The following PFAS variants were observed in gnomAD, a reference collection of about 807,000 sequenced individuals.
PFAS encodes the protein FGAM synthase.
In PFAS, 97 loss-of-function variants were observed where a neutral mutation model predicts 140.6. The observed-to-expected ratio is 0.69, with a 90% CI of 0.59 to 0.82. The LOEUF (loss-of-function observed/expected upper bound fraction) is 0.82, where lower values mean the gene tolerates loss of function less well. PFAS is among the 40% of genes least tolerant of loss of function. The probability of loss-of-function intolerance (pLI) is 0.00; values close to 1 mark genes in which losing one functional copy is unlikely to be tolerated. For synonymous variants in PFAS, 679 were observed against 718.8 expected, an observed-to-expected ratio of 0.94 and a Z score of 0.88; for missense variants, 1,656 against 1,780.2, an observed-to-expected ratio of 0.93 and a Z score of 1.26.
upstream of PFAS, chr17:8,248,065 G>GGCAGGT: frequency 6.4e-7 from 1 of 1,569,240 alleles, no homozygotes. Flanking sequence ...CCCCGGGAGG[G>GGCAGGT]GCAGGTGCTC....
rs1244477734 is a variant in PFAS at position 8,264,522 on chromosome 17, C to T, written c.1970C>T (p.Pro657Leu). ...PPMLQPLALP[P>L]GLSVHQALER... The stretch of plus-strand genomic sequence containing the variant: ...ATGCTGCAGCCTCTGGCCTTGCCCC[C>T]AGGGCTGAGCGTGCACCAGGCTCTG... Residue 657 changes from proline (P) to leucine (L), a missense_variant, in exon 17 of 28, where the codon CCA becomes CTA. Pro to Leu is a moderately conservative substitution (Grantham distance 98). Around this residue, in one of 2 missense-constraint regions of PFAS, gnomAD observed 883 missense variants for 1,023.0 expected, o/e 0.86. Coordinates refer to ENST00000314666, the MANE Select transcript of PFAS (RefSeq NM_012393.3). 2 of 1,613,618 alleles carry T rather than the reference C, an allele frequency of 1.2e-6. No individual in the cohort carries two copies. Among genetic ancestry groups the T allele is most frequent in the Non-Finnish European group, 1.7e-6 (2 of 1,179,840 alleles).
rs142774696 is a variant in PFAS at position 8,263,112 on chromosome 17, C to G, written c.1414C>G (p.Gln472Glu). Reference sequence around the variant, plus strand: ...GCTATGCCATATATGCCCCCAGGTGCAGGGAGATAACACCAGTGACCTGGA... The same window carrying G: ...GCTATGCCATATATGCCCCCAGGTGGAGGGAGATAACACCAGTGACCTGGA... ...GGGAASSVQV[Q>E]GDNTSDLDFG... is the part of the protein sequence containing the mutation. Residue 472 changes from glutamine to glutamate, a missense_variant, in exon 13 of 28, where the codon CAG becomes GAG. Gln to Glu is a conservative substitution (Grantham distance 29). This residue lies in a region of PFAS where 773 missense variants were observed against 757.3 expected (regional missense o/e 1.02). Transcript: ENST00000314666. 6.2e-7 allele frequency: 1 copy of G among 1,613,904 alleles called. No homozygotes were observed. Among genetic ancestry groups the G allele is most frequent in the Non-Finnish European group, 8.5e-7 (1 of 1,179,780 alleles).
rs371493454 is a variant in PFAS, at chr17:8,255,864, C to T, written c.634C>T (p.Arg212Trp). The T allele has an allele frequency of 8.7e-6, 14 of 1,614,084 alleles. No homozygotes were observed. The African/African-American group carries it at 1.1e-4, about 12-fold the overall frequency. Residue 212 changes from arginine (R) to tryptophan (W), a missense_variant, in exon 6 of 28, where the codon CGG (arginine) becomes TGG (tryptophan). By Grantham distance (101) the Arg-to-Trp change is moderately radical. This residue lies in a region of PFAS where 773 missense variants were observed against 757.3 expected (regional missense o/e 1.02). Transcript: ENST00000314666. ...FYTKRFQELQ[R>W]NPSTVEAFDL... Reference sequence around the variant, plus strand: ...CACCAAGCGCTTCCAGGAGCTACAGCGGAACCCGAGCACTGTGGAGGCCTT... The same window carrying T: ...CACCAAGCGCTTCCAGGAGCTACAGTGGAACCCGAGCACTGTGGAGGCCTT...
In PFAS at chr17:8,263,215, C is replaced by T. The variant is rs768512711; in HGVS notation, c.1517C>T (p.Pro506Leu). Residue 506 changes from proline to leucine, a missense_variant, in exon 13 of 28, where the codon CCC (proline) becomes CTC (leucine). Around this residue, in one of 2 missense-constraint regions of PFAS, gnomAD observed 773 missense variants for 757.3 expected, o/e 1.02. Transcript: ENST00000314666. ...NRVIRACVEAPKGNPICSLHD... is the reference protein window; with the variant it reads ...NRVIRACVEALKGNPICSLHD... ...GTGATCAGGGCTTGTGTGGAGGCCC[C>T]CAAGGGAAACCCCATCTGCAGCCTT... 9 of 1,613,984 alleles carry T rather than the reference C, an allele frequency of 5.6e-6. No homozygotes were observed. Among genetic ancestry groups the T allele is most frequent in the African/African-American group, 1.3e-5 (1 of 74,884 alleles).
chr17:8,255,724 G>C (rs747692841), intron 5 of PFAS, 33 bp downstream of exon 5: 2 of 1,606,200 alleles, frequency 1.2e-6, no homozygotes, highest in Non-Finnish European at 1.7e-6. Flanking sequence ...GTAGGGTCCA[G>C]GATAGGCCAG....
At position 8,267,535 on chromosome 17, in the gene PFAS, C is replaced by T; in HGVS notation, c.3268-16C>T. On this transcript the variant is annotated splice_polypyrimidine_tract_variant and intron_variant, in intron 25 of 27. Transcript: ENST00000314666. This position sits in a 1 kb window ranked among gnomAD's most constrained non-coding sequence, Gnocchi z 4.9. ...GCGTGTCCTCCCACCCACACTCCCC[C>T]TCCCCACCTTCGCAGGTATGGGACG... 2 of 1,588,866 alleles carry T rather than the reference C, an allele frequency of 1.3e-6. No homozygotes were observed. Among genetic ancestry groups the T allele is most frequent in the Non-Finnish European group, 8.6e-7 (1 of 1,156,968 alleles).
chr17:8,268,763 C>A lies in PFAS; in HGVS notation c.3613C>A (p.Arg1205Ser). The A allele has an allele frequency of 6.2e-7, 1 of 1,611,432 alleles. No individual in the cohort carries two copies. The highest frequency in any genetic ancestry group is 8.5e-7 in the Non-Finnish European group (1 of 1,179,842). The change falls in exon 27 of 28, where the codon CGC becomes AGC. Residue 1205 changes from arginine to serine, a missense_variant. Arg to Ser is a moderately radical substitution (Grantham distance 110, BLOSUM62 -1). Coordinates refer to ENST00000314666, the MANE Select transcript of PFAS (RefSeq NM_012393.3). ...CAACCTGTCTGGGCGCTACGAGTCTCGCTGGGCCAGCGTGCGTGTGGGGCC... is the reference window on the plus strand; with the variant it reads ...CAACCTGTCTGGGCGCTACGAGTCTAGCTGGGCCAGCGTGCGTGTGGGGCC... ...RHNLSGRYES[R>S]WASVRVGPGP... is the part of the protein sequence containing the mutation.
In PFAS at chr17:8,264,317, C is replaced by A. The variant is rs780465723; in HGVS notation, c.1897C>A (p.Leu633Met). 6.2e-7 allele frequency: 1 copy of A among 1,613,982 alleles called. No individual in the cohort carries two copies. Among genetic ancestry groups the A allele is most frequent in the Non-Finnish European group, 8.5e-7 (1 of 1,179,936 alleles). The change falls in exon 16 of 28, where the codon CTG becomes ATG. Residue 633 changes from leucine to methionine, a missense_variant. This residue lies in a region of PFAS where 883 missense variants were observed against 1,023.0 expected (regional missense o/e 0.86). Coordinates refer to ENST00000314666, the MANE Select transcript of PFAS (RefSeq NM_012393.3). ...TGTGGACCTGGAGCTCGAATGGGTG[C>A]TGGGCAAGATGCCTCGGAAGGTATG... ...TPVDLELEWV[L>M]GKMPRKEFFL...
intron 4 of PFAS, 86 bp from the exon 5 acceptor site, chr17:8,255,416 G>C: frequency 9.3e-7 from 1 of 1,071,922 alleles, no homozygotes; most frequent in Non-Finnish European, 1.4e-6. Context: ...GGCTAGCCTT[G>C]CATGACTAAG....
At position 8,255,863 on chromosome 17, in the gene PFAS, G is replaced by T; in HGVS notation, c.633G>T (p.Gln211His). The T allele has an allele frequency of 6.2e-7, 1 of 1,614,180 alleles. No individual in the cohort carries two copies. Among genetic ancestry groups the T allele is most frequent in the South Asian group, 1.1e-5 (1 of 91,082 alleles). The change falls in exon 6 of 28, where the codon CAG becomes CAT. Residue 211 changes from glutamine (Q) to histidine (H), a missense_variant. Physicochemically the swap from Gln to His is conservative, Grantham distance 24 (BLOSUM62 0). Transcript: ENST00000314666. ...ACACCAAGCGCTTCCAGGAGCTACA[G>T]CGGAACCCGAGCACTGTGGAGGCCT... ...DFYTKRFQEL[Q>H]RNPSTVEAFD...
rs1422755186 is a variant in PFAS, at chr17:8,269,244, AC to A, written c.4000del (p.Leu1334TrpfsTer20). The A allele has an allele frequency of 6.2e-7, 1 of 1,608,206 alleles. No homozygotes were observed. Among genetic ancestry groups the A allele is most frequent in the Admixed American group, 1.7e-5 (1 of 59,828 alleles). On this transcript the variant is annotated frameshift_variant, in exon 28 of 28. Coordinates refer to ENST00000314666, the MANE Select transcript of PFAS (RefSeq NM_012393.3). LOFTEE classifies it high-confidence loss of function. ...GCTCTTTATCAATGCCCGAAACTGGACCCTGGAAGGGAGCTGCTGACTGGCC... is the reference window on the plus strand; with the variant it reads ...GCTCTTTATCAATGCCCGAAACTGGACCTGGAAGGGAGCTGCTGACTGGCC... ...LQLFINARNW[T>X]LEGSC
intron 15 of PFAS, 78 bp from the exon 16 acceptor site, chr17:8,264,134 G>A: frequency 6.3e-7 from 1 of 1,582,444 alleles, no homozygotes; most frequent in African/African-American, 1.3e-5. Context: ...AAGCACATTT[G>A]TGCCCTGATT....
At chr17:8,258,555 G>C (rs1431897461) in intron 11 of PFAS, among the ~76,000 whole-genome samples, 1 of 152,102 alleles carries the variant, frequency 6.6e-6, no homozygotes, top group African/African-American at 2.4e-5. Flanking sequence ...ATCAAGACGT[G>C]GTGGGCCAGG....
chr17:8,269,623 G>A lies in PFAS; in HGVS notation c.*359G>A, dbSNP rs993380622. 1 of 226,240 alleles carries A rather than the reference G, an allele frequency of 4.4e-6. No individual in the cohort carries two copies. The highest frequency in any genetic ancestry group is 5.0e-5 in the Admixed American group (1 of 19,802). The allele number at this position is 226,240 out of a possible 1,614,324, so 14.0% of individuals were successfully genotyped here. A position where few individuals can be genotyped will look rare whatever the true frequency, so the allele number is the denominator to read the frequency against. On this transcript the variant is annotated 3_prime_UTR_variant, in exon 28 of 28. Transcript: ENST00000314666. ...GGTGTGCAATTGCCTCCTTGGCTCTGAGGGATGTTTTGCGCTCCCTTTTCT... is the reference window on the plus strand; with the variant it reads ...GGTGTGCAATTGCCTCCTTGGCTCTAAGGGATGTTTTGCGCTCCCTTTTCT...
At chr17:8,253,213 C>T (rs1017664006) in intron 1 of PFAS, among the ~76,000 whole-genome samples, 7 of 152,222 alleles carry the variant, frequency 4.6e-5, no homozygotes, top group African/African-American at 7.2e-5. Flanking sequence ...GGGTACTTGG[C>T]CTTTCTCCCC....
chr17:8,266,663 T>C lies in PFAS; in HGVS notation c.2822-90T>C. ...CTCTCTGGCTGCATCCCTCTGACCC[T>C]CACCCTGGCCCTTCCTGCATTTCCC... On this transcript the variant is annotated intron_variant, in intron 22 of 27. Coordinates refer to ENST00000314666, the MANE Select transcript of PFAS (RefSeq NM_012393.3). This position sits in a 1 kb window ranked among gnomAD's most constrained non-coding sequence, Gnocchi z 5.0. 6.6e-7 allele frequency: 1 copy of C among 1,525,090 alleles called. No homozygotes were observed. The highest frequency in any genetic ancestry group is 1.3e-5 in the South Asian group (1 of 76,970). 94.5% of individuals were successfully genotyped at this position (1,525,090 alleles called of 1,614,324 possible).
chr17:8,262,928 G>T lies in PFAS; in HGVS notation c.1345G>T (p.Val449Phe). The T allele has an allele frequency of 6.2e-7, 1 of 1,613,870 alleles. No homozygotes were observed. Reference protein sequence around the residue: ...SKEAPEPGMEVVKVGGPVYRI... With the variant: ...SKEAPEPGMEFVKVGGPVYRI... ...GCCTTCCCTTCTTACAGGCATGGAA[G>T]TTGTAAAGGTTGGAGGTCCCGTCTA... Residue 449 changes from valine to phenylalanine, a missense_variant, in exon 12 of 28, where the codon GTT becomes TTT. By Grantham distance (50) the Val-to-Phe change is conservative. Transcript: ENST00000314666.
chr17:8,264,820 T>G, intron 17 of PFAS, 75 bp from the exon 18 acceptor site: 1 of 1,118,242 alleles, frequency 8.9e-7, no homozygotes, highest in Non-Finnish European at 1.3e-6. Flanking sequence ...CTGCCCTGAG[T>G]GCCTTGGGGG....
intron 11 of PFAS, among the ~76,000 whole-genome samples, chr17:8,259,999 G>A (rs1989526930): frequency 1.3e-5 from 2 of 151,928 alleles, no homozygotes; most frequent in African/African-American, 4.8e-5. Context: ...TACTCGGGAG[G>A]CTGAGGCAGG....
Sources: allele counts gnomAD v4.1 joint callset (sites outside exome capture counted in the v4.1 genomes callset), GRCh38; gene constraint gnomAD v4.1.1; regional missense constraint gnomAD v4.1.1; non-coding constraint Gnocchi (gnomAD v3.1); transcripts MANE v1.5; gene names NCBI Gene and HGNC (gene_info 2026-07-23, HGNC 2026-07-21).